MRGPRX1: variants seen among roughly 807,000 people sequenced by gnomAD.
The protein encoded by MRGPRX1 is MAS related GPR family member X1.
For synonymous variants in MRGPRX1, 208 were observed against 170.4 expected (o/e 1.22, Z -1.72); for missense variants, 411 against 393.8 (o/e 1.04, Z -0.37).
chr11:18,934,417 G>A lies in MRGPRX1; in HGVS notation c.368C>T (p.Ser123Phe). 2.5e-6 allele frequency: 4 copies of A among 1,610,768 alleles called. No homozygotes were observed. Among genetic ancestry groups the A allele is most frequent in the Non-Finnish European group, 3.4e-6 (4 of 1,178,132 alleles). ...LSAVSTERCL[S>F]VLWPIWYRCH... Reference sequence around the variant, plus strand: ...GCGGTACCAGATGGGCCACAGGACGGACAGGCAGCGCTCGGTGCTCACGGC... The same window carrying A: ...GCGGTACCAGATGGGCCACAGGACGAACAGGCAGCGCTCGGTGCTCACGGC... Residue 123 changes from serine to phenylalanine, a missense_variant, in exon 2 of 2, where the codon TCC becomes TTC. Transcript: ENST00000526914.
chr11:18,936,688 A>C (rs1301860098), intron 1 of MRGPRX1, among the ~76,000 whole-genome samples: 1 of 151,530 alleles, frequency 6.6e-6, no homozygotes, highest in East Asian at 1.9e-4. Flanking sequence ...TGTCTTCCTC[A>C]TGAAACCTGA....
chr11:18,934,449 A>C lies in MRGPRX1; in HGVS notation c.336T>G (p.Phe112Leu), dbSNP rs1848821185. 4 of 1,610,552 alleles carry C rather than the reference A, an allele frequency of 2.5e-6. 1 individual carries two copies. The Admixed American group carries it at 6.7e-5, about 27-fold the overall frequency. The part of the protein sequence containing the change: ...MMFSYFAGLS[F>L]LSAVSTERCL... ...AGCGCTCGGTGCTCACGGCACTCAGAAAGCTCAGGCCTGCAAAGTAGGAAA... is the reference window on the plus strand; with the variant it reads ...AGCGCTCGGTGCTCACGGCACTCAGCAAGCTCAGGCCTGCAAAGTAGGAAA... Residue 112 changes from phenylalanine to leucine, a missense_variant, in exon 2 of 2, where the codon TTT becomes TTG. Physicochemically the swap from Phe to Leu is conservative, Grantham distance 22 (BLOSUM62 0). Transcript: ENST00000526914.
In MRGPRX1 at chr11:18,934,776, T is replaced by A; in HGVS notation, c.9A>T (p.Pro3=). The A allele has an allele frequency of 6.4e-7, 1 of 1,572,212 alleles. No individual in the cohort carries two copies. MD[P]TISTLDTELT... is the part of the protein sequence containing the mutation. ...GTTCTGTGTCCAAGGTTGAGATGGTTGGATCCATGCTCAGAAACCCTAGTC... is the reference window on the plus strand; with the variant it reads ...GTTCTGTGTCCAAGGTTGAGATGGTAGGATCCATGCTCAGAAACCCTAGTC... Residue 3 remains proline, a synonymous_variant, in exon 2 of 2, where the codon CCA becomes CCT. Transcript: ENST00000526914.
chr11:18,933,558 T>C lies in MRGPRX1; in HGVS notation c.*258A>G, dbSNP rs932588836. ...AAAGAAAATTGCAGAAAAAGTGTTC[T>C]GTAGGAAAGATTCAGTGTGAGATAA... On this transcript the variant is annotated 3_prime_UTR_variant, in exon 2 of 2. Coordinates refer to ENST00000526914, the MANE Select transcript of MRGPRX1 (RefSeq NM_001393578.1). Among the ~76,000 whole-genome samples, 28 of 151,502 alleles carry C rather than the reference T, an allele frequency of 1.8e-4. No individual in the cohort carries two copies. The highest frequency in any genetic ancestry group is 6.8e-4 in the African/African-American group (28 of 41,312).
In MRGPRX1 at chr11:18,934,288, C is replaced by G; in HGVS notation, c.497G>C (p.Ser166Thr). ...TTGACACCAAGCAGAATCAGCACCA[C>G]TGAACAGGAAGCCACATAACATCCA... The part of the protein sequence containing the change: ...LEWMLCGFLF[S>T]GADSAWCQTS... Residue 166 changes from serine to threonine, a missense_variant, in exon 2 of 2, where the codon AGT becomes ACT. Physicochemically the swap from Ser to Thr is moderately conservative, Grantham distance 58 (BLOSUM62 1). Coordinates refer to ENST00000526914, the MANE Select transcript of MRGPRX1 (RefSeq NM_001393578.1). 5 of 1,610,706 alleles carry G rather than the reference C, an allele frequency of 3.1e-6. No individual in the cohort carries two copies. The highest frequency in any genetic ancestry group is 4.2e-6 in the Non-Finnish European group (5 of 1,178,168).
chr11:18,936,194 C>T (rs1848839188), intron 1 of MRGPRX1, among the ~76,000 whole-genome samples: 1 of 151,034 alleles, frequency 6.6e-6, no homozygotes, highest in African/African-American at 2.4e-5. Flanking sequence ...TTGAGCAGCC[C>T]TTTACACCCA....
At position 18,937,262 on chromosome 11, in the gene MRGPRX1, C is replaced by T. The variant is rs555659462; in HGVS notation, c.-26+2018G>A. 7.5e-4 allele frequency among the ~76,000 whole-genome samples: 114 copies of T among 151,250 alleles called. 5 individuals are homozygous for T. The highest frequency in any genetic ancestry group is 1.3e-3 in the Non-Finnish European group (89 of 67,704). On this transcript the variant is annotated intron_variant, in intron 1 of 1. Transcript: ENST00000526914. ...TGTGGCTGGGAACCATATAGGATCA[C>T]AGGTATGAGGGCAACTCTCTAGGGA...
In MRGPRX1 at chr11:18,934,070, AT is replaced by A; in HGVS notation, c.714del (p.Leu240TyrfsTer16). 1 of 1,610,970 alleles carries A rather than the reference AT, an allele frequency of 6.2e-7. No individual in the cohort carries two copies. Among genetic ancestry groups the A allele is most frequent in the Non-Finnish European group, 8.5e-7 (1 of 1,178,234 alleles). On this transcript the variant is annotated frameshift_variant, in exon 2 of 2. Transcript: ENST00000526914. LOFTEE classifies it low-confidence loss of function (END_TRUNC). ...CGLPFGIQFF[L>X]FLWIHVDREV... ...TCCCTGTCCACGTGGATCCATAAAA[AT>A]AGGAAAAACTGAATGCCAAAGGGCA...
chr11:18,939,005 A>G (rs1342423343), intron 1 of MRGPRX1, among the ~76,000 whole-genome samples: 2 of 151,560 alleles, frequency 1.3e-5, no homozygotes, highest in Non-Finnish European at 1.5e-5. Context: ...AGCTCCTTAA[A>G]TGAATGTGAG....
chr11:18,934,770 G>T lies in MRGPRX1; in HGVS notation c.15C>A (p.Ile5=). Residue 5 remains isoleucine, a synonymous_variant, in exon 2 of 2, where the codon ATC becomes ATA. Transcript: ENST00000526914. The part of the protein sequence containing the change: MDPT[I]STLDTELTPI... ...GTGTCAGTTCTGTGTCCAAGGTTGAGATGGTTGGATCCATGCTCAGAAACC... is the reference window on the plus strand; with the variant it reads ...GTGTCAGTTCTGTGTCCAAGGTTGATATGGTTGGATCCATGCTCAGAAACC... The T allele has an allele frequency of 1.3e-6, 2 of 1,580,282 alleles. No individual in the cohort carries two copies. Among genetic ancestry groups the T allele is most frequent in the Non-Finnish European group, 1.7e-6 (2 of 1,162,466 alleles).
Position 18,934,774 on chromosome 11 carries a change from G to A in MRGPRX1, c.11C>T (p.Thr4Ile). The A allele has an allele frequency of 6.4e-7, 1 of 1,573,214 alleles. No individual in the cohort carries two copies. The highest frequency in any genetic ancestry group is 8.6e-7 in the Non-Finnish European group (1 of 1,158,882). Reference protein sequence around the residue: MDPTISTLDTELTP... With the variant: MDPIISTLDTELTP... The stretch of plus-strand genomic sequence containing the variant: ...CAGTTCTGTGTCCAAGGTTGAGATG[G>A]TTGGATCCATGCTCAGAAACCCTAG... Residue 4 changes from threonine (T) to isoleucine (I), a missense_variant, in exon 2 of 2, where the codon ACC (threonine) becomes ATC (isoleucine). Transcript: ENST00000526914.
intron 1 of MRGPRX1, among the ~76,000 whole-genome samples, chr11:18,936,709 C>T (rs750049468): frequency 9.9e-5 from 15 of 151,520 alleles, no homozygotes; most frequent in Non-Finnish European, 2.1e-4. Context: ...AGCTTCATAA[C>T]GGCTAGTCAT....
In MRGPRX1 at chr11:18,934,088, CA is replaced by C; in HGVS notation, c.696del (p.Phe232LeufsTer24). 1 of 1,610,854 alleles carries C rather than the reference CA, an allele frequency of 6.2e-7. No individual in the cohort carries two copies. Among genetic ancestry groups the C allele is most frequent in the Non-Finnish European group, 8.5e-7 (1 of 1,178,198 alleles). ...CATAAAAATAGGAAAAACTGAATGC[CA>C]AAGGGCAGGCCACAGAGGAGGAAGA... is the stretch of plus-strand genomic sequence containing the variant. Reference protein sequence around the residue: ...VLVFLLCGLPFGIQFFLFLWI... With the variant: ...VLVFLLCGLPXGIQFFLFLWI... On this transcript the variant is annotated frameshift_variant, in exon 2 of 2. Coordinates refer to ENST00000526914, the MANE Select transcript of MRGPRX1 (RefSeq NM_001393578.1). LOFTEE classifies it low-confidence loss of function (END_TRUNC).
At position 18,934,765 on chromosome 11, in the gene MRGPRX1, G is replaced by T; in HGVS notation, c.20C>A (p.Thr7Asn). ...GATTGGTGTCAGTTCTGTGTCCAAG[G>T]TTGAGATGGTTGGATCCATGCTCAG... Reference protein sequence around the residue: MDPTISTLDTELTPING... With the variant: MDPTISNLDTELTPING... Residue 7 changes from threonine (T) to asparagine (N), a missense_variant, in exon 2 of 2, where the codon ACC becomes AAC. Physicochemically the swap from Thr to Asn is moderately conservative, Grantham distance 65. Coordinates refer to ENST00000526914, the MANE Select transcript of MRGPRX1 (RefSeq NM_001393578.1). The T allele has an allele frequency of 1.3e-6, 2 of 1,581,858 alleles. No individual in the cohort carries two copies. The highest frequency in any genetic ancestry group is 2.3e-5 in the South Asian group (2 of 85,620).
chr11:18,933,837 C>G lies in MRGPRX1; in HGVS notation c.948G>C (p.Ser316=). The G allele has an allele frequency of 2.5e-6, 4 of 1,608,714 alleles. No individual in the cohort carries two copies. Among genetic ancestry groups the G allele is most frequent in the Non-Finnish European group, 2.5e-6 (3 of 1,177,244 alleles). Residue 316 remains serine, a synonymous_variant, in exon 2 of 2, where the codon TCG becomes TCC. Transcript: ENST00000526914. ...GQLPEEILEL[S]GSRLEQ is the part of the protein sequence containing the mutation. The stretch of plus-strand genomic sequence containing the variant: ...TTCCTCACTGCTCCAATCTGCTTCC[C>G]GACAGCTCCAGGATTTCCTCAGGAA...
intron 1 of MRGPRX1, among the ~76,000 whole-genome samples, chr11:18,936,583 C>T (rs1478579135): frequency 6.6e-6 from 1 of 151,096 alleles, no homozygotes; most frequent in East Asian, 1.9e-4. Flanking sequence ...CCTTGCTTGG[C>T]CCAAAAAGGA....
chr11:18,936,988 G>A (rs1296560449), intron 1 of MRGPRX1, among the ~76,000 whole-genome samples: 1 of 151,380 alleles, frequency 6.6e-6, no homozygotes, highest in Non-Finnish European at 1.5e-5. Flanking sequence ...CAGAGACAGA[G>A]GCAGAAGAGA....
At chr11:18,938,763 T>G (rs1848860280) in intron 1 of MRGPRX1, among the ~76,000 whole-genome samples, 1 of 151,386 alleles carries the variant, frequency 6.6e-6, no homozygotes, top group Non-Finnish European at 1.5e-5. Context: ...TCCTCCCCTA[T>G]GTATTGTTGC....
At chr11:18,937,101 G>A (rs1848846970) in intron 1 of MRGPRX1, among the ~76,000 whole-genome samples, 1 of 151,384 alleles carries the variant, frequency 6.6e-6, no homozygotes, top group African/African-American at 2.4e-5. Flanking sequence ...CTTGATGCTG[G>A]GTGCCATTTT....
Sources: allele counts gnomAD v4.1 joint callset (sites outside exome capture counted in the v4.1 genomes callset), GRCh38; gene constraint gnomAD v4.1.1; transcripts MANE v1.5; gene names NCBI Gene and HGNC (gene_info 2026-07-23, HGNC 2026-07-21).